Variants in CHAT observed in about 807,000 individuals in gnomAD.
CHAT encodes the protein choline O-acetyltransferase, also known as acetyl CoA:choline O-acetyltransferase.
CHAT carries 61 observed loss-of-function variants against 76.9 expected under a neutral mutation model. That is an observed-to-expected ratio of 0.79 (90% CI 0.65 to 0.98). The LOEUF (loss-of-function observed/expected upper bound fraction) is 0.98, where lower values mean the gene tolerates loss of function less well. Among genes scored for constraint, CHAT ranks in the 50% least tolerant of loss-of-function variants. CHAT has a pLI of 0.00. For synonymous variants in CHAT, 407 were observed against 397.4 expected (o/e 1.02, Z -0.29); for missense variants, 946 against 986.9 (o/e 0.96, Z 0.56).
At position 49,655,091 on chromosome 10, in the gene CHAT, G is replaced by A. The variant is rs1275432524; in HGVS notation, c.1635-4G>A. 10 of 1,613,848 alleles carry A rather than the reference G, an allele frequency of 6.2e-6. No individual in the cohort carries two copies. Among genetic ancestry groups the A allele is most frequent in the Admixed American group, 1.7e-5 (1 of 59,992 alleles). The stretch of plus-strand genomic sequence containing the variant: ...ATGTGCCATTCATCCTTCATCCCAC[G>A]CAGGCTCCATCGAAGACTGGTGCCC... On this transcript the variant is annotated splice_region_variant and splice_polypyrimidine_tract_variant and intron_variant, in intron 11 of 14. Coordinates refer to ENST00000337653, the MANE Select transcript of CHAT (RefSeq NM_020549.5).
chr10:49,613,974 C>T (rs1481666236), upstream of CHAT: 3 of 833,498 alleles, frequency 3.6e-6, no homozygotes, highest in Non-Finnish European at 5.6e-6. Context: ...CCAACCCTCT[C>T]CAGGATTCAG....
chr10:49,664,730 G>C, intron 14 of CHAT, 47 bp from the exon 15 acceptor site: 1 of 1,613,414 alleles, frequency 6.2e-7, no homozygotes. Flanking sequence ...CGAGGCTGGC[G>C]GGCTGCATTC....
intron 1 of CHAT, chr10:49,616,093 GT>G: frequency 2.5e-6 from 4 of 1,613,010 alleles, no homozygotes; most frequent in Non-Finnish European, 3.4e-6. Context: ...AGCACAGTAG[GT>G]ATGGTCTTAC....
At chr10:49,644,921 G>C (rs1258790384) in intron 7 of CHAT, among the ~76,000 whole-genome samples, 1 of 152,208 alleles carries the variant, frequency 6.6e-6, no homozygotes, top group Non-Finnish European at 1.5e-5. Context: ...ACATGCCCAA[G>C]GAAGGCAAAA....
Position 49,667,074 on chromosome 10 carries a change from C to T in CHAT, c.*2028C>T, listed in dbSNP as rs1019214042. On this transcript the variant is annotated 3_prime_UTR_variant, in exon 15 of 15. Coordinates refer to ENST00000337653, the MANE Select transcript of CHAT (RefSeq NM_020549.5). Reference sequence around the variant, plus strand: ...CACTGTCAAATGAGAACAAGAGTGTCCCCACTTGCAAGACTATGAGGATTG... The same window carrying T: ...CACTGTCAAATGAGAACAAGAGTGTTCCCACTTGCAAGACTATGAGGATTG... 1.3e-5 allele frequency among the ~76,000 whole-genome samples: 2 copies of T among 152,206 alleles called. No individual in the cohort carries two copies. The highest frequency in any genetic ancestry group is 1.3e-4 in the Admixed American group (2 of 15,280).
rs535300558 is a variant in CHAT, at chr10:49,665,507, G to C, written c.*461G>C. Among the ~76,000 whole-genome samples the C allele has an allele frequency of 6.6e-6, 1 of 152,120 alleles. No homozygotes were observed. Among genetic ancestry groups the C allele is most frequent in the East Asian group, 1.9e-4 (1 of 5,166 alleles). On this transcript the variant is annotated 3_prime_UTR_variant, in exon 15 of 15. Transcript: ENST00000337653. ...AGGTCATTACCTCTTTTCTTTTTTG[G>C]GGGAGAGGAGGCTGTGTTTTGAGAT...
At position 49,662,690 on chromosome 10, in the gene CHAT, G is replaced by T. The variant is rs1840231018; in HGVS notation, c.1885G>T (p.Glu629Ter). The T allele has an allele frequency of 6.2e-7, 1 of 1,614,084 alleles. No homozygotes were observed. The highest frequency in any genetic ancestry group is 1.1e-5 in the South Asian group (1 of 91,090). ...AIDNHLLALRELARAMCKELP... is the reference protein window; with the variant it reads ...AIDNHLLALR ...TGACAACCACCTGCTGGCACTGCGG[G>T]AGCTGGCCCGGGCCATGTGCAAGGA... Residue 629 changes from glutamate to a stop codon, truncating the protein, a stop_gained, in exon 14 of 15, where the codon GAG becomes TAG. Coordinates refer to ENST00000337653, the MANE Select transcript of CHAT (RefSeq NM_020549.5). LOFTEE classifies it high-confidence loss of function.
chr10:49,620,661 C>T (rs766420513), intron 4 of CHAT, 48 bp downstream of exon 4: 4 of 1,445,174 alleles, frequency 2.8e-6, no homozygotes, highest in East Asian at 4.6e-5. Context: ...CCACCCAAGG[C>T]AGGGGCCCTT....
chr10:49,654,133 T>C (rs779370355), intron 11 of CHAT, among the ~76,000 whole-genome samples: 5 of 152,176 alleles, frequency 3.3e-5, no homozygotes, highest in Non-Finnish European at 7.4e-5. Context: ...CCAGTGATGG[T>C]GTTTGCCTCC....
intron 7 of CHAT, among the ~76,000 whole-genome samples, chr10:49,632,766 C>G (rs1223050796): frequency 3.3e-5 from 5 of 152,358 alleles, no homozygotes; most frequent in Admixed American, 6.5e-5. Context: ...CAGGATGACT[C>G]CCTCCTGTGA....
At chr10:49,659,970 G>T (rs1840142692) in intron 13 of CHAT, among the ~76,000 whole-genome samples, 1 of 152,226 alleles carries the variant, frequency 6.6e-6, no homozygotes, top group African/African-American at 2.4e-5. Context: ...AATAAGAAAG[G>T]AAATCTAATC....
intron 10 of CHAT, among the ~76,000 whole-genome samples, chr10:49,650,457 G>A (rs895509810): frequency 6.6e-6 from 1 of 152,186 alleles, no homozygotes; most frequent in South Asian, 2.1e-4. Flanking sequence ...TTGTAGAGAC[G>A]GGCCTTGAAG....
intron 13 of CHAT, chr10:49,661,204 C>T (rs1424450772): frequency 6.6e-6 from 1 of 152,176 alleles, no homozygotes; most frequent in African/African-American, 2.4e-5. Context: ...CTCGTTATTA[C>T]TCATGGCTCT....
intron 10 of CHAT, among the ~76,000 whole-genome samples, chr10:49,651,072 T>C (rs1839859929): frequency 1.3e-5 from 2 of 151,934 alleles, no homozygotes. Flanking sequence ...GGCTTCTTCC[T>C]GGGGGTCCTG....
intron 13 of CHAT, 147 bp downstream of exon 13, chr10:49,655,595 T>C: frequency 1.4e-6 from 1 of 735,858 alleles, no homozygotes. Flanking sequence ...ACTCGGTCTC[T>C]TGTTTCTTCG....
At chr10:49,656,688 T>C (rs555555125) in intron 13 of CHAT, among the ~76,000 whole-genome samples, 9 of 152,140 alleles carry the variant, frequency 5.9e-5, no homozygotes, top group South Asian at 4.1e-4. Flanking sequence ...CAAAGGACAG[T>C]GGGGCAGGGG....
chr10:49,646,126 G>T (rs893982912), intron 7 of CHAT, among the ~76,000 whole-genome samples: 2 of 152,392 alleles, frequency 1.3e-5, no homozygotes, highest in Non-Finnish European at 2.9e-5. Flanking sequence ...CCCCAGTGGA[G>T]GGTGCTGTTG....
rs571679958 is a variant in CHAT, at chr10:49,634,481, G to A, written c.1111+6696G>A. ...TCCTTGTGGTCAGAGGCAGGGGCCCGTGGGCCCTCAGGCTGCTTTGCTCTT... is the reference window on the plus strand; with the variant it reads ...TCCTTGTGGTCAGAGGCAGGGGCCCATGGGCCCTCAGGCTGCTTTGCTCTT... On this transcript the variant is annotated intron_variant, in intron 7 of 14. Coordinates refer to ENST00000337653, the MANE Select transcript of CHAT (RefSeq NM_020549.5). Among the ~76,000 whole-genome samples the A allele has an allele frequency of 4.9e-3, 750 of 152,340 alleles. 5 individuals are homozygous for A. Among genetic ancestry groups the A allele is most frequent in the Non-Finnish European group, 8.6e-3 (585 of 68,024 alleles).
chr10:49,619,477 T>G (rs567812937), intron 2 of CHAT, among the ~76,000 whole-genome samples: 1 of 152,220 alleles, frequency 6.6e-6, no homozygotes, highest in South Asian at 2.1e-4. Context: ...CAGGTCTGTC[T>G]GATGCCAATA....
Sources: gnomAD v4.1 joint callset for allele counts (sites outside exome capture counted in the v4.1 genomes callset) on GRCh38, gnomAD v4.1.1 for gene constraint, MANE v1.5 for transcripts, NCBI Gene and HGNC (gene_info 2026-07-23, HGNC 2026-07-21) for gene names.